Variants in ZNF766 observed in about 807,000 individuals in gnomAD.
The protein encoded by ZNF766 is zinc finger protein 766.
Under a neutral mutation model 13.2 loss-of-function variants are expected in ZNF766, and 13 were observed. That is an observed-to-expected ratio of 0.98 (90% CI 0.64 to 1.56). ZNF766 has a LOEUF of 1.56. Ranked by LOEUF, ZNF766 falls within the 40% of genes most tolerant of loss-of-function variation. The pLI is 0.00. For missense variants in ZNF766, 521 were observed against 552.2 expected, an observed-to-expected ratio of 0.94 and a Z score of 0.57; for synonymous variants, 178 against 187.6, an observed-to-expected ratio of 0.95 and a Z score of 0.42.
At chr19:52,284,135 A>G (rs1196993056) in intron 3 of ZNF766, among the ~76,000 whole-genome samples, 1 of 152,228 alleles carries the variant, frequency 6.6e-6, no homozygotes, top group East Asian at 1.9e-4. Context: ...ATGATGGACA[A>G]TACCCTGTCA....
intron 1 of ZNF766, among the ~76,000 whole-genome samples, chr19:52,270,796 G>A (rs1469831940): frequency 2.0e-5 from 3 of 152,068 alleles, no homozygotes; most frequent in Non-Finnish European, 4.4e-5. Context: ...AAGTGGAAAA[G>A]AAGGAATAGA....
intron 1 of ZNF766, among the ~76,000 whole-genome samples, chr19:52,271,075 C>A (rs1416938872): frequency 6.6e-6 from 1 of 152,190 alleles, no homozygotes; most frequent in African/African-American, 2.4e-5. Flanking sequence ...CTTGAGCCAC[C>A]TTGCCCGGCC....
intron 1 of ZNF766, among the ~76,000 whole-genome samples, chr19:52,279,583 G>A (rs538047731): frequency 2.1e-3 from 323 of 152,044 alleles, no homozygotes; most frequent in Non-Finnish European, 3.9e-3. Flanking sequence ...AATGGACAAA[G>A]CAATGGGTTA....
chr19:52,282,041 C>T (rs1981552308), intron 1 of ZNF766, 70 bp from the exon 2 acceptor site: 6 of 1,551,912 alleles, frequency 3.9e-6, no homozygotes, highest in Non-Finnish European at 5.2e-6. Flanking sequence ...CCTTACAACC[C>T]TCTTCTCATT....
chr19:52,283,519 C>T, intron 3 of ZNF766, 106 bp downstream of exon 3: 4 of 1,364,956 alleles, frequency 2.9e-6, no homozygotes, highest in Non-Finnish European at 3.9e-6. Context: ...CTCACTGCAG[C>T]TTTGAACTCC....
At chr19:52,281,488 C>A in intron 1 of ZNF766, 1 of 276,984 alleles carries the variant, frequency 3.6e-6, no homozygotes, top group Non-Finnish European at 7.1e-6. Context: ...CACTGCACTC[C>A]AGCCTGGGTG....
Position 52,291,024 on chromosome 19 carries a change from C to T in ZNF766, c.1233C>T (p.Tyr411=). ...AAATTCACACTGGAGAGAAACCTTA[C>T]AAATGTAATGAGTGTGGCAAAGTCT... ...HQKIHTGEKP[Y]KCNECGKVFT... is the part of the protein sequence containing the mutation. The change falls in exon 4 of 4, where the codon TAC becomes TAT. Residue 411 remains tyrosine, a synonymous_variant. Coordinates refer to ENST00000439461, the MANE Select transcript of ZNF766 (RefSeq NM_001010851.3). 3.7e-6 allele frequency: 6 copies of T among 1,614,092 alleles called. No homozygotes were observed. The highest frequency in any genetic ancestry group is 4.2e-6 in the Non-Finnish European group (5 of 1,180,006).
At chr19:52,280,705 C>A (rs996595111) in intron 1 of ZNF766, among the ~76,000 whole-genome samples, 8 of 152,128 alleles carry the variant, frequency 5.3e-5, no homozygotes, top group Admixed American at 5.2e-4. Flanking sequence ...GCCTCAGCCT[C>A]CCGAGTAGCT....
chr19:52,286,337 CT>C (rs1981827780), intron 3 of ZNF766, among the ~76,000 whole-genome samples: 1 of 94,240 alleles, frequency 1.1e-5, no homozygotes, highest in Non-Finnish European at 2.3e-5. Context: ...TTTTTTTTTT[CT>C]TTTGGGGGAG....
intron 1 of ZNF766, among the ~76,000 whole-genome samples, chr19:52,273,348 A>G (rs911653438): frequency 6.6e-6 from 1 of 152,220 alleles, no homozygotes; most frequent in African/African-American, 2.4e-5. Flanking sequence ...TTACATAGTT[A>G]CTAAAACAGA....
chr19:52,285,611 C>T (rs1040120830), intron 3 of ZNF766, among the ~76,000 whole-genome samples: 2 of 152,218 alleles, frequency 1.3e-5, no homozygotes, highest in Non-Finnish European at 2.9e-5. Context: ...CCTGGGCGTG[C>T]CACTCTCCAG....
chr19:52,295,089 T>C lies in ZNF766; in HGVS notation c.*3891T>C, dbSNP rs1230556332. On this transcript the variant is annotated 3_prime_UTR_variant, in exon 4 of 4. Coordinates refer to ENST00000439461, the MANE Select transcript of ZNF766 (RefSeq NM_001010851.3). The stretch of plus-strand genomic sequence containing the variant: ...TTCATTTTCAACTCTAATAAAATTA[T>C]ATTTTGTGTTTATATATGCACGTAT... The C allele has an allele frequency of 6.6e-5, 10 of 151,956 alleles. No individual in the cohort carries two copies. The South Asian group carries it at 8.3e-4, about 13-fold the overall frequency. The allele number at this position is 151,956 out of a possible 1,614,324, so 9.4% of individuals were successfully genotyped here.
At chr19:52,277,434 G>C in intron 1 of ZNF766, 1 of 1,518,902 alleles carries the variant, frequency 6.6e-7, no homozygotes, top group East Asian at 2.5e-5. Context: ...ACTCCAGCCT[G>C]GGTGACAGAG....
At position 52,290,684 on chromosome 19, in the gene ZNF766, C is replaced by T. The variant is rs1418039836; in HGVS notation, c.893C>T (p.Pro298Leu). The stretch of plus-strand genomic sequence containing the variant: ...CAGAAAATTCATACTAGAGAGAAAC[C>T]TCATAAATGTAACAAATGTGGCAAG... ...RHQKIHTREKPHKCNKCGKVY... is the reference protein window; with the variant it reads ...RHQKIHTREKLHKCNKCGKVY... Residue 298 changes from proline (P) to leucine (L), a missense_variant, in exon 4 of 4, where the codon CCT becomes CTT. Transcript: ENST00000439461. The T allele has an allele frequency of 3.1e-6, 5 of 1,613,518 alleles. No homozygotes were observed. The highest frequency in any genetic ancestry group is 4.2e-6 in the Non-Finnish European group (5 of 1,179,772).
At position 52,291,317 on chromosome 19, in the gene ZNF766, T is replaced by G. The variant is rs961203293; in HGVS notation, c.*119T>G. 5.0e-6 allele frequency: 5 copies of G among 993,490 alleles called. No individual in the cohort carries two copies. The Admixed American group carries it at 1.3e-4, about 26-fold the overall frequency. 61.5% of individuals were successfully genotyped at this position (993,490 alleles called of 1,614,324 possible). A position where few individuals can be genotyped will look rare whatever the true frequency, so the allele number is the denominator to read the frequency against. The stretch of plus-strand genomic sequence containing the variant: ...GCTGTATCGAGACCTACCAAATCAC[T>G]AGACATCGAAACATTCATCTTTGGT... On this transcript the variant is annotated 3_prime_UTR_variant, in exon 4 of 4. Coordinates refer to ENST00000439461, the MANE Select transcript of ZNF766 (RefSeq NM_001010851.3).
intron 3 of ZNF766, among the ~76,000 whole-genome samples, chr19:52,286,882 G>A (rs76334374): frequency 0.18 from 27,986 of 152,014 alleles, 2,605 homozygotes; most frequent in East Asian, 0.3. Context: ...GTGGCCCAAG[G>A]TGGAGTGCAG....
chr19:52,284,855 A>G (rs1213652456), intron 3 of ZNF766: 2 of 152,142 alleles, frequency 1.3e-5, no homozygotes, highest in Non-Finnish European at 2.9e-5. Context: ...GAGATTCACA[A>G]GGCGAGGCAC....
chr19:52,289,395 G>A (rs1488358960), intron 3 of ZNF766, among the ~76,000 whole-genome samples: 1 of 150,650 alleles, frequency 6.6e-6, no homozygotes, highest in African/African-American at 2.4e-5. Flanking sequence ...CAAGTGATCC[G>A]CCCACCTCGC....
chr19:52,288,768 T>C lies in ZNF766; in HGVS notation c.275-1298T>C, dbSNP rs1265370561. ...ACTATTTTTATTGCATTTCATGAGT[T>C]TTGCTGTGTTATATTTACATTTTCC... On this transcript the variant is annotated intron_variant, in intron 3 of 3. Transcript: ENST00000439461. Among the ~76,000 whole-genome samples, 8 of 151,122 alleles carry C rather than the reference T, an allele frequency of 5.3e-5. No individual in the cohort carries two copies. In the East Asian group the frequency reaches 1.5e-3, roughly 29 times the overall value.
Sources: gnomAD v4.1 joint callset for allele counts (sites outside exome capture counted in the v4.1 genomes callset) on GRCh38, gnomAD v4.1.1 for gene constraint, MANE v1.5 for transcripts, NCBI Gene and HGNC (gene_info 2026-07-23, HGNC 2026-07-21) for gene names.